ST3GAL4: variants seen among roughly 807,000 people sequenced by gnomAD.
The protein encoded by ST3GAL4 is CMP-N-acetylneuraminate-beta-galactosamide-alpha-2,3-sialyltransferase 4.
ST3GAL4 carries 24 observed loss-of-function variants against 42.6 expected under a neutral mutation model. The observed-to-expected ratio is 0.56, with a 90% CI of 0.41 to 0.79. The LOEUF is 0.79. ST3GAL4 is among the 30% of genes least tolerant of loss of function. The probability of loss-of-function intolerance (pLI) is 0.00; values close to 1 mark genes in which losing one functional copy is unlikely to be tolerated. For synonymous variants in ST3GAL4, 135 were observed against 163.2 expected (o/e 0.83, Z 1.32); for missense variants, 311 against 430.8 (o/e 0.72, Z 2.46).
At chr11:126,368,017 G>A (rs539994493) in intron 1 of ST3GAL4, among the ~76,000 whole-genome samples, 5 of 151,954 alleles carry the variant, frequency 3.3e-5, no homozygotes, top group Non-Finnish European at 5.9e-5. Context: ...ACATAATGGC[G>A]CGCGCCTGTG....
intron 6 of ST3GAL4, 100 bp downstream of exon 6, chr11:126,407,734 T>G: frequency 6.8e-6 from 8 of 1,171,772 alleles, no homozygotes; most frequent in Middle Eastern, 2.9e-4. Flanking sequence ...GAAACAGTCA[T>G]GGACTGGTAC....
rs1195843924 is a variant in ST3GAL4, at chr11:126,407,345, G to A, written c.276G>A (p.Gly92=). 1.2e-6 allele frequency: 2 copies of A among 1,613,980 alleles called. No individual in the cohort carries two copies. The highest frequency in any genetic ancestry group is 3.3e-5 in the Admixed American group (2 of 60,014). ...ACGAGCTGCCCTATGGGACCAAGGG[G>A]AGTGGTAAGTTCCTACCCGGCTCGT... is the stretch of plus-strand genomic sequence containing the variant. ...SAYELPYGTK[G]SEDLLLRVLA... The change falls in exon 5 of 11, where the codon GGG becomes GGA. Residue 92 remains glycine (G), a synonymous_variant. Transcript: ENST00000444328.
At position 126,373,607 on chromosome 11, in the gene ST3GAL4, G is replaced by T. The variant is rs778777003; in HGVS notation, c.-61+17765G>T. Reference sequence around the variant, plus strand: ...GTCTGCAGTGCCAGGCTGCAGGGGCGGACGGGAGGGGGTCGTGGTGGGTAG... The same window carrying T: ...GTCTGCAGTGCCAGGCTGCAGGGGCTGACGGGAGGGGGTCGTGGTGGGTAG... On this transcript the variant is annotated intron_variant, in intron 1 of 10. Coordinates refer to ENST00000444328, the MANE Select transcript of ST3GAL4 (RefSeq NM_001254757.2). This position sits in a 1 kb window ranked among gnomAD's most constrained non-coding sequence, Gnocchi z 5.5. 6.6e-6 allele frequency among the ~76,000 whole-genome samples: 1 copy of T among 152,180 alleles called. No individual in the cohort carries two copies. The highest frequency in any genetic ancestry group is 6.5e-5 in the Admixed American group (1 of 15,278).
chr11:126,375,642 T>A lies in ST3GAL4; in HGVS notation c.-61+19800T>A, dbSNP rs375015298. Among the ~76,000 whole-genome samples the A allele has an allele frequency of 5.3e-5, 8 of 152,302 alleles. 1 individual carries two copies. Among genetic ancestry groups the A allele is most frequent in the African/African-American group, 1.9e-4 (8 of 41,566 alleles). ...ACAGGGTCGAGATCATATTTAATAC[T>A]TGCACAGCCCTTAGAAGCATCTAGC... On this transcript the variant is annotated intron_variant, in intron 1 of 10. Coordinates refer to ENST00000444328, the MANE Select transcript of ST3GAL4 (RefSeq NM_001254757.2).
At chr11:126,394,655 G>A (rs976457821) in intron 1 of ST3GAL4, among the ~76,000 whole-genome samples, 1 of 152,082 alleles carries the variant, frequency 6.6e-6, no homozygotes, top group African/African-American at 2.4e-5. Flanking sequence ...GAACTCCTGA[G>A]CTCAAGCAAT....
chr11:126,384,614 G>C lies in ST3GAL4; in HGVS notation c.-60-21482G>C. ...GGGAAGGCTGAATGGGGCGGAACTG[G>C]TCAGGGCCTGGCACCAACTCCAGGA... On this transcript the variant is annotated intron_variant, in intron 1 of 10. Transcript: ENST00000444328. This position sits in a 1 kb window ranked among gnomAD's most constrained non-coding sequence, Gnocchi z 5.5. The C allele has an allele frequency of 1.1e-6, 1 of 945,718 alleles. No homozygotes were observed. The highest frequency in any genetic ancestry group is 1.3e-6 in the Non-Finnish European group (1 of 793,908). 58.6% of individuals were successfully genotyped at this position (945,718 alleles called of 1,614,324 possible).
rs138630433 is a variant in ST3GAL4, at chr11:126,401,321, A to G, written c.-60-4775A>G. Among the ~76,000 whole-genome samples the G allele has an allele frequency of 3.9e-4, 59 of 151,910 alleles. 2 individuals are homozygous for G. The East Asian group carries it at 8.6e-3, about 22-fold the overall frequency. ...GGTGGCTCACGCCTGTAATCCCAGCACTTTGGGAGGCTGAGGTGGGCGGAT... is the reference window on the plus strand; with the variant it reads ...GGTGGCTCACGCCTGTAATCCCAGCGCTTTGGGAGGCTGAGGTGGGCGGAT... On this transcript the variant is annotated intron_variant, in intron 1 of 10. Coordinates refer to ENST00000444328, the MANE Select transcript of ST3GAL4 (RefSeq NM_001254757.2).
At chr11:126,413,009 A>G (rs777230741) in intron 9 of ST3GAL4, among the ~76,000 whole-genome samples, 4 of 152,326 alleles carry the variant, frequency 2.6e-5, no homozygotes, top group East Asian at 1.9e-4. Context: ...TCTTATCTCT[A>G]CAGGCCCCAG....
chr11:126,357,220 T>C (rs1250881660), intron 1 of ST3GAL4, among the ~76,000 whole-genome samples: 1 of 152,114 alleles, frequency 6.6e-6, no homozygotes, highest in Non-Finnish European at 1.5e-5. Flanking sequence ...AGACTGCTCC[T>C]GTGCCTGGCC....
rs1053946585 is a variant in ST3GAL4, at chr11:126,366,711, C to T, written c.-61+10869C>T. 6.6e-6 allele frequency among the ~76,000 whole-genome samples: 1 copy of T among 152,172 alleles called. No homozygotes were observed. Among genetic ancestry groups the T allele is most frequent in the African/African-American group, 2.4e-5 (1 of 41,440 alleles). On this transcript the variant is annotated intron_variant, in intron 1 of 10. Transcript: ENST00000444328. The surrounding 1 kb of genome is among the most constrained non-coding windows in gnomAD (Gnocchi z 4.2). ...GCACAGGTCTGGAAACATCCTTGTT[C>T]ATCAAGCACCAGGCTGACCATGGTG...
Position 126,411,120 on chromosome 11 carries a change from A to T in ST3GAL4, c.771+1709A>T, listed in dbSNP as rs1301540681. On this transcript the variant is annotated intron_variant, in intron 9 of 10. Coordinates refer to ENST00000444328, the MANE Select transcript of ST3GAL4 (RefSeq NM_001254757.2). This position sits in a 1 kb window ranked among gnomAD's most constrained non-coding sequence, Gnocchi z 6.3. ...CCAGCTCCTGGCAGTGGGAAGGGAA[A>T]AGGAGGAGATGGACTCAACATTGTG... Among the ~76,000 whole-genome samples the T allele has an allele frequency of 6.6e-6, 1 of 151,468 alleles. No homozygotes were observed. Among genetic ancestry groups the T allele is most frequent in the East Asian group, 2.0e-4 (1 of 5,104 alleles).
chr11:126,370,608 A>G lies in ST3GAL4; in HGVS notation c.-61+14766A>G, dbSNP rs186464363. Reference sequence around the variant, plus strand: ...CTCACTTGCTCTCTGTATCTCACTTAAACTTTATGTGAGTGTATTAATCTT... The same window carrying G: ...CTCACTTGCTCTCTGTATCTCACTTGAACTTTATGTGAGTGTATTAATCTT... On this transcript the variant is annotated intron_variant, in intron 1 of 10. Coordinates refer to ENST00000444328, the MANE Select transcript of ST3GAL4 (RefSeq NM_001254757.2). Among the ~76,000 whole-genome samples the G allele has an allele frequency of 3.0e-4, 45 of 151,980 alleles. No individual in the cohort carries two copies. In the Middle Eastern group the frequency reaches 0.01, roughly 34 times the overall value.
chr11:126,358,288 C>T, intron 1 of ST3GAL4: 1 of 248,598 alleles, frequency 4.0e-6, no homozygotes, highest in Admixed American at 5.5e-5. Flanking sequence ...ACGCTGGGAT[C>T]CTCCTTCCTA....
rs954714942 is a variant in ST3GAL4 at position 126,392,951 on chromosome 11, A to G, written c.-60-13145A>G. On this transcript the variant is annotated intron_variant, in intron 1 of 10. Transcript: ENST00000444328. This position sits in a 1 kb window ranked among gnomAD's most constrained non-coding sequence, Gnocchi z 5.8. ...TCTCTCAACATTTGTAACACGACCA[A>G]CTCCTGTTCTTTTTTTTTTTTTTTT... Among the ~76,000 whole-genome samples the G allele has an allele frequency of 1.4e-5, 2 of 139,140 alleles. No individual in the cohort carries two copies. The highest frequency in any genetic ancestry group is 1.5e-4 in the Admixed American group (2 of 13,296). The allele number at this position is 139,140 out of a possible 152,430, so 91.3% of individuals were successfully genotyped here. A position where few individuals can be genotyped will look rare whatever the true frequency, so the allele number is the denominator to read the frequency against.
chr11:126,403,373 T>G (rs1591483190), intron 1 of ST3GAL4: 2 of 982,258 alleles, frequency 2.0e-6, no homozygotes, highest in Non-Finnish European at 1.2e-6. Flanking sequence ...ACGCCAAAGG[T>G]TTTTCCCTGG....
chr11:126,359,538 A>AT lies in ST3GAL4; in HGVS notation c.-61+3696_-61+3697insT, dbSNP rs1952176144. ...GGAGTTTGCTCATTTTGCCCCATGAAGAAACAGATCCCAGCTCAAAGGCGT... is the reference window on the plus strand; with the variant it reads ...GGAGTTTGCTCATTTTGCCCCATGAATGAAACAGATCCCAGCTCAAAGGCGT... On this transcript the variant is annotated intron_variant, in intron 1 of 10. Transcript: ENST00000444328. The surrounding 1 kb of genome is among the most constrained non-coding windows in gnomAD (Gnocchi z 4.8). 4.6e-5 allele frequency among the ~76,000 whole-genome samples: 7 copies of AT among 152,190 alleles called. No homozygotes were observed. Among genetic ancestry groups the AT allele is most frequent in the Non-Finnish European group, 1.0e-4 (7 of 68,034 alleles).
At position 126,408,770 on chromosome 11, in the gene ST3GAL4, C is replaced by T. The variant is rs540060021; in HGVS notation, c.627+274C>T. The T allele has an allele frequency of 3.4e-4, 174 of 509,310 alleles. No individual in the cohort carries two copies. The Middle Eastern group carries it at 3.6e-3, about 11-fold the overall frequency. The allele number at this position is 509,310 out of a possible 1,614,324, so 31.5% of individuals were successfully genotyped here. On this transcript the variant is annotated intron_variant, in intron 8 of 10. Transcript: ENST00000444328. ...GCGTGTCTGTGACAGGAAAGCTTTC[C>T]GAGTAGGTGTTTGCCTGTGAGGAAC...
intron 1 of ST3GAL4, among the ~76,000 whole-genome samples, chr11:126,399,391 G>A (rs539371875): frequency 8.2e-6 from 1 of 121,842 alleles, no homozygotes; most frequent in Non-Finnish European, 1.6e-5. Flanking sequence ...TGCAACTTCT[G>A]TCTCCTGGGT....
At chr11:126,372,894 T>C (rs1176039369) in intron 1 of ST3GAL4, among the ~76,000 whole-genome samples, 2 of 152,224 alleles carry the variant, frequency 1.3e-5, no homozygotes, top group Non-Finnish European at 2.9e-5. Context: ...TGAACATGGG[T>C]GTACAAATAT....
Sources: allele counts gnomAD v4.1 joint callset (sites outside exome capture counted in the v4.1 genomes callset), GRCh38; gene constraint gnomAD v4.1.1; non-coding constraint Gnocchi (gnomAD v3.1); transcripts MANE v1.5; gene names NCBI Gene and HGNC (gene_info 2026-07-23, HGNC 2026-07-21).